The following DUSP22 variants were observed in gnomAD, a reference collection of about 807,000 sequenced individuals.
DUSP22 encodes dual specificity phosphatase 22.
A neutral mutation model predicts 24.5 loss-of-function variants in DUSP22; 24 were observed. The ratio of observed to expected loss-of-function variants is 0.98; its 90% confidence interval spans 0.71 to 1.38. DUSP22 has a LOEUF of 1.38. Ranked by LOEUF, DUSP22 falls within the 40% of genes most tolerant of loss-of-function variation. DUSP22 has a pLI of 0.00. For synonymous variants in DUSP22, 160 were observed against 106.4 expected, an observed-to-expected ratio of 1.50 and a Z score of -3.10; for missense variants, 330 against 269.2, an observed-to-expected ratio of 1.23 and a Z score of -1.58.
chr6:333,509 T>C (rs1274638869), intron 3 of DUSP22, among the ~76,000 whole-genome samples: 1 of 152,304 alleles, frequency 6.6e-6, no homozygotes, highest in Non-Finnish European at 1.5e-5. Context: ...CCCCTCATCA[T>C]TGTGGATGAG....
intron 3 of DUSP22, among the ~76,000 whole-genome samples, chr6:333,570 C>T (rs541381764): frequency 1.3e-5 from 2 of 152,424 alleles, no homozygotes; most frequent in Admixed American, 6.5e-5. Context: ...ACAGATCCTG[C>T]TCTGACTCAG....
At chr6:307,749 C>T (rs1202504140) in intron 2 of DUSP22, among the ~76,000 whole-genome samples, 1 of 152,310 alleles carries the variant, frequency 6.6e-6, no homozygotes, top group Admixed American at 6.5e-5. Context: ...TGGGAACGCT[C>T]TTAGGTACTG....
At chr6:294,774 A>G (rs1260341854) in intron 1 of DUSP22, among the ~76,000 whole-genome samples, 1 of 152,288 alleles carries the variant, frequency 6.6e-6, no homozygotes, top group African/African-American at 2.4e-5. Flanking sequence ...CAGGGTGTGT[A>G]TGTGTGTGGG....
chr6:336,641 G>T lies in DUSP22; in HGVS notation c.188+1478G>T, dbSNP rs895599614. 2.0e-5 allele frequency among the ~76,000 whole-genome samples: 3 copies of T among 152,426 alleles called. No individual in the cohort carries two copies. The East Asian group carries it at 5.8e-4, about 29-fold the overall frequency. ...GGGGAACGGGAGGTGGGAAGCTGGAGCCACTGTGTGCTCCCCAGGGGCTGT... is the reference window on the plus strand; with the variant it reads ...GGGGAACGGGAGGTGGGAAGCTGGATCCACTGTGTGCTCCCCAGGGGCTGT... On this transcript the variant is annotated intron_variant, in intron 4 of 6. Coordinates refer to ENST00000419235, the MANE Select transcript of DUSP22 (RefSeq NM_001286555.3).
chr6:323,844 A>T (rs1193988010), intron 3 of DUSP22, among the ~76,000 whole-genome samples: 1 of 152,306 alleles, frequency 6.6e-6, no homozygotes, highest in African/African-American at 2.4e-5. Context: ...AAATATATCT[A>T]TTTTATGAAA....
Position 349,883 on chromosome 6 carries a change from C to T in DUSP22, c.*932C>T. 2 of 986,046 alleles carry T rather than the reference C, an allele frequency of 2.0e-6. No homozygotes were observed. The highest frequency in any genetic ancestry group is 2.4e-6 in the Non-Finnish European group (2 of 830,370). The allele number at this position is 986,046 out of a possible 1,614,324, so 61.1% of individuals were successfully genotyped here. ...CCTAAGTTGGGTGCCCCAGGGCACC[C>T]CCTCCTCTCTGCTCCTTGCCAGCTT... is the stretch of plus-strand genomic sequence containing the variant. On this transcript the variant is annotated 3_prime_UTR_variant, in exon 7 of 7. Coordinates refer to ENST00000419235, the MANE Select transcript of DUSP22 (RefSeq NM_001286555.3).
At chr6:308,410 C>G (rs1029253756) in intron 2 of DUSP22, among the ~76,000 whole-genome samples, 1 of 152,292 alleles carries the variant, frequency 6.6e-6, no homozygotes, top group Admixed American at 6.5e-5. Context: ...GGGTCATCAC[C>G]CAGCAGGTTT....
At chr6:321,571 A>T (rs1483242460) in intron 3 of DUSP22, among the ~76,000 whole-genome samples, 2 of 152,306 alleles carry the variant, frequency 1.3e-5, no homozygotes, top group Non-Finnish European at 2.9e-5. Flanking sequence ...AAAATCTTCC[A>T]TAAAGTGACA....
At chr6:345,073 C>G (rs1759795056) in intron 4 of DUSP22, among the ~76,000 whole-genome samples, 1 of 152,308 alleles carries the variant, frequency 6.6e-6, no homozygotes, top group East Asian at 1.9e-4. Context: ...AACTTCCAGA[C>G]AACCCACAGC....
chr6:312,114 G>A, intron 3 of DUSP22, 152 bp downstream of exon 3: 6 of 860,334 alleles, frequency 7.0e-6, no homozygotes, highest in Admixed American at 3.1e-5. Context: ...CCGTGTTGAT[G>A]TTAACACGCT....
At chr6:299,763 G>A (rs141945377) in intron 1 of DUSP22, among the ~76,000 whole-genome samples, 508 of 152,228 alleles carry the variant, frequency 3.3e-3, no homozygotes, top group African/African-American at 0.012. Flanking sequence ...TTGCCAGCAC[G>A]CTGCTGCAGC....
chr6:350,621 T>TC lies in DUSP22; in HGVS notation c.*1672dup. ...AAAGGGGAGTGTGGCTGTAGAATCA[T>TC]CCATCCGTCTACAGCTAAAACAATT... On this transcript the variant is annotated 3_prime_UTR_variant, in exon 7 of 7. Transcript: ENST00000419235. 3 of 1,453,228 alleles carry TC rather than the reference T, an allele frequency of 2.1e-6. No homozygotes were observed. 90.0% of individuals were successfully genotyped at this position (1,453,228 alleles called of 1,614,324 possible).
At chr6:311,819 AC>A in intron 2 of DUSP22, 60 bp from the exon 3 acceptor site, 5 of 1,506,934 alleles carry the variant, frequency 3.3e-6, no homozygotes, top group Non-Finnish European at 3.6e-6. Flanking sequence ...TTCTGGCTAG[AC>A]TTTAGGAGTA....
intron 3 of DUSP22, among the ~76,000 whole-genome samples, chr6:326,784 C>T (rs1758902601): frequency 6.6e-6 from 1 of 152,306 alleles, no homozygotes; most frequent in Non-Finnish European, 1.5e-5. Flanking sequence ...CCTTCTGTCC[C>T]TCTCTGCATC....
rs373799515 is a variant in DUSP22 at position 348,109 on chromosome 6, C to A, written c.270C>A (p.Ala90=). The A allele has an allele frequency of 6.2e-7, 1 of 1,614,180 alleles. No individual in the cohort carries two copies. Among genetic ancestry groups the A allele is most frequent in the South Asian group, 1.1e-5 (1 of 91,082 alleles). Residue 90 remains alanine (A), a synonymous_variant, in exon 6 of 7, where the codon GCC becomes GCA. Coordinates refer to ENST00000419235, the MANE Select transcript of DUSP22 (RefSeq NM_001286555.3). ...RGESCLVHCL[A]GVSRSVTLVI... ...GCTTCTCTTGGCCCCGCAGCCTGGCCGGGGTCTCCAGGAGCGTGACACTGG... is the reference window on the plus strand; with the variant it reads ...GCTTCTCTTGGCCCCGCAGCCTGGCAGGGGTCTCCAGGAGCGTGACACTGG...
chr6:319,604 G>A (rs1156970549), intron 3 of DUSP22, among the ~76,000 whole-genome samples: 8 of 152,302 alleles, frequency 5.3e-5, no homozygotes, highest in African/African-American at 1.9e-4. Context: ...CACTGGGCAA[G>A]ATTTCCCATT....
At chr6:321,147 T>A (rs1758569877) in intron 3 of DUSP22, among the ~76,000 whole-genome samples, 1 of 152,252 alleles carries the variant, frequency 6.6e-6, no homozygotes, top group African/African-American at 2.4e-5. Flanking sequence ...GACAGGTGAG[T>A]TGGAGGTGGG....
intron 1 of DUSP22, among the ~76,000 whole-genome samples, chr6:295,127 C>T (rs1303179082): frequency 6.6e-6 from 1 of 152,290 alleles, no homozygotes; most frequent in Non-Finnish European, 1.5e-5. Context: ...AAGGTGCTAC[C>T]CCTAGAAATC....
intron 4 of DUSP22, among the ~76,000 whole-genome samples, chr6:337,546 G>A (rs866856110): frequency 1.4e-4 from 21 of 152,298 alleles, no homozygotes; most frequent in Non-Finnish European, 2.1e-4. Context: ...TCTAGGTCTC[G>A]TGGGTCAGTT....
Sources: gnomAD v4.1 joint callset for allele counts (sites outside exome capture counted in the v4.1 genomes callset) on GRCh38, gnomAD v4.1.1 for gene constraint, MANE v1.5 for transcripts, NCBI Gene and HGNC (gene_info 2026-07-23, HGNC 2026-07-21) for gene names.